PDE4DIP: variants seen among roughly 807,000 people sequenced by gnomAD.
PDE4DIP encodes phosphodiesterase 4D interacting protein, also known as myomegalin.
In PDE4DIP, 59 loss-of-function variants were observed where a neutral mutation model predicts 221.4. The ratio of observed to expected loss-of-function variants is 0.27; its 90% CI spans 0.22 to 0.33. The LOEUF is 0.33. PDE4DIP is among the 10% of genes least tolerant of loss of function. The pLI, the probability that PDE4DIP is intolerant of heterozygous loss-of-function variation, is 1.00. For missense variants in PDE4DIP, 1,036 were observed against 2,154.2 expected, an observed-to-expected ratio of 0.48 and a Z score of 10.28; for synonymous variants, 404 against 815.9, an observed-to-expected ratio of 0.50 and a Z score of 8.60.
intron 17 of PDE4DIP, among the ~76,000 whole-genome samples, chr1:148,974,956 C>T (rs146253809): frequency 1.1e-5 from 1 of 87,600 alleles, no homozygotes; most frequent in Non-Finnish European, 2.3e-5. Flanking sequence ...TTGATCCGCT[C>T]GAACAGGAGT....
intron 19 of PDE4DIP, among the ~76,000 whole-genome samples, 170 bp from the exon 23 acceptor site, chr1:148,979,566 TA>T (rs1157470504): frequency 4.9e-4 from 75 of 152,102 alleles, no homozygotes; most frequent in African/African-American, 1.0e-3. Flanking sequence ...GTTTTAAAGA[TA>T]AAAAAAAGAT....
chr1:148,946,957 T>C (rs1312461098), intron 5 of PDE4DIP, among the ~76,000 whole-genome samples: 1 of 152,322 alleles, frequency 6.6e-6, no homozygotes, highest in Non-Finnish European at 1.5e-5. Context: ...CCTTCAACTA[T>C]ACCAGCCCAT....
intron 21 of PDE4DIP, chr1:148,990,112 C>G: frequency 1.9e-6 from 1 of 526,070 alleles, no homozygotes; most frequent in South Asian, 8.4e-5. Context: ...AAGCTGTTAT[C>G]ACAGCATACT....
At chr1:148,938,795 A>AT (rs11349082) in intron 5 of PDE4DIP, among the ~76,000 whole-genome samples, 3 of 149,596 alleles carry the variant, frequency 2.0e-5, no homozygotes, top group East Asian at 2.0e-4. Context: ...CCAAAAAAAA[A>AT]TTTTTTTTTT....
intron 1 of PDE4DIP, among the ~76,000 whole-genome samples, chr1:148,861,572 A>T: frequency 1.9e-5 from 1 of 52,992 alleles, no homozygotes; most frequent in African/African-American, 1.1e-4. Context: ...TGGGAGGCGG[A>T]GGTTGTGGTG....
chr1:148,824,069 AC>A (rs1161658982), intron 1 of PDE4DIP, among the ~76,000 whole-genome samples: 5 of 146,882 alleles, frequency 3.4e-5, no homozygotes, highest in African/African-American at 1.3e-4. Flanking sequence ...TGTTACTATT[AC>A]TATTGCTGCA....
chr1:148,925,580 T>A (rs2046515706), intron 1 of PDE4DIP, among the ~76,000 whole-genome samples: 1 of 150,864 alleles, frequency 6.6e-6, no homozygotes, highest in Non-Finnish European at 1.5e-5. Context: ...CGTACTAATT[T>A]ATGTCCTCTG....
At chr1:148,998,371 A>T (rs2152447929) in exon 23 of PDE4DIP, 1 of 1,574,912 alleles carries the variant, frequency 6.3e-7, no homozygotes, top group Non-Finnish European at 8.7e-7. Flanking sequence ...AGTGTCCCAC[A>T]TCAGGTAGGA....
At chr1:148,984,295 G>A (rs781876269) in intron 21 of PDE4DIP, 2 of 151,992 alleles carry the variant, frequency 1.3e-5, no homozygotes, top group Non-Finnish European at 2.9e-5. Flanking sequence ...GTGGACAGCA[G>A]TAATTTTTTC....
exon 36 of PDE4DIP, chr1:149,020,332 T>C (rs782530189): frequency 2.1e-6 from 1 of 486,088 alleles, no homozygotes; most frequent in East Asian, 3.3e-5. Flanking sequence ...GGAAAACGAC[T>C]CCAGGTAAGA....
At chr1:148,980,262 C>G (rs754145475) in intron 20 of PDE4DIP, among the ~76,000 whole-genome samples, 1 of 152,090 alleles carries the variant, frequency 6.6e-6, no homozygotes, top group Non-Finnish European at 1.5e-5. Context: ...TGAGGTAGCG[C>G]GCGCCTGTAG....
chr1:149,025,395 G>A (rs1485913614), intron 38 of PDE4DIP, among the ~76,000 whole-genome samples: 1 of 151,866 alleles, frequency 6.6e-6, no homozygotes, highest in African/African-American at 2.4e-5. Context: ...ACAGGGCTCT[G>A]GGGAAGTCCT....
At chr1:148,922,637 G>C (rs2045687370) in intron 1 of PDE4DIP, among the ~76,000 whole-genome samples, 1 of 149,238 alleles carries the variant, frequency 6.7e-6, no homozygotes, top group African/African-American at 2.5e-5. Context: ...ACCCGGGCTG[G>C]AGTGCAGTGG....
At chr1:148,821,009 G>C (rs880000077) in intron 1 of PDE4DIP, among the ~76,000 whole-genome samples, 1 of 150,216 alleles carries the variant, frequency 6.7e-6, no homozygotes, top group African/African-American at 2.5e-5. Flanking sequence ...CCAATACCTC[G>C]CCCGGCTAAT....
intron 42 of PDE4DIP, 125 bp from the exon 46 acceptor site, chr1:149,030,107 G>A (rs1255011844): frequency 7.8e-5 from 71 of 911,572 alleles, no homozygotes; most frequent in Non-Finnish European, 1.1e-4. Context: ...GACAGGGGGT[G>A]GATAGAAGGA....
exon 44 of PDE4DIP, chr1:149,031,953 C>G (rs781862801): frequency 2.7e-5 from 43 of 1,608,022 alleles, no homozygotes; most frequent in Non-Finnish European, 3.6e-5. Flanking sequence ...GGTGAAATCC[C>G]TAAGGGCTCT....
chr1:148,972,901 A>G (rs2059466874), intron 16 of PDE4DIP, among the ~76,000 whole-genome samples: 1 of 123,908 alleles, frequency 8.1e-6, no homozygotes, highest in Non-Finnish European at 1.7e-5. Flanking sequence ...ATGAGCTGAC[A>G]CCTTTTCCTG....
chr1:148,813,728 G>A (rs1273925383), intron 1 of PDE4DIP, among the ~76,000 whole-genome samples: 4 of 99,674 alleles, frequency 4.0e-5, no homozygotes, highest in African/African-American at 1.6e-4. Context: ...ATCCATTTGA[G>A]TTAACTTTTG....
intron 1 of PDE4DIP, among the ~76,000 whole-genome samples, chr1:148,907,602 C>T (rs59671929): frequency 0.017 from 2,463 of 147,916 alleles, 3 homozygotes; most frequent in African/African-American, 0.042. Flanking sequence ...ACAAAATTCT[C>T]GGCTAATAAT....
Sources: gnomAD v4.1 joint callset for allele counts (sites outside exome capture counted in the v4.1 genomes callset) on GRCh38, gnomAD v4.1.1 for gene constraint, MANE v1.5 for transcripts, NCBI Gene and HGNC (gene_info 2026-07-23, HGNC 2026-07-21) for gene names.